The following KCNMA1 variants were observed in gnomAD, a reference collection of about 807,000 sequenced individuals.
KCNMA1 encodes the protein potassium calcium-activated channel subfamily M alpha 1, also known as Calcium-activated potassium channel subunit alpha-1.
A neutral mutation model predicts 140.0 loss-of-function variants in KCNMA1; 29 were observed. The observed-to-expected ratio is 0.21, with a 90% confidence interval of 0.15 to 0.28. The LOEUF (loss-of-function observed/expected upper bound fraction) is 0.28. Ranked by LOEUF, KCNMA1 falls within the 10% of genes least tolerant of loss-of-function variation. The pLI, the probability that KCNMA1 is intolerant of heterozygous loss-of-function variation, is 1.00. For synonymous variants in KCNMA1, 612 were observed against 611.9 expected, an observed-to-expected ratio of 1.00 and a Z score of 0.00; for missense variants, 880 against 1,602.2, an observed-to-expected ratio of 0.55 and a Z score of 7.70.
chr10:77,624,771 G>A (rs144698898), intron 1 of KCNMA1, among the ~76,000 whole-genome samples: 74 of 151,946 alleles, frequency 4.9e-4, no homozygotes, highest in Admixed American at 5.2e-4. Flanking sequence ...AAAATCCGGC[G>A]CTCCCTTAAC....
chr10:77,439,026 A>G (rs2097324723), intron 1 of KCNMA1, among the ~76,000 whole-genome samples: 1 of 151,654 alleles, frequency 6.6e-6, no homozygotes, highest in Non-Finnish European at 1.5e-5. Flanking sequence ...AGCCCAGATC[A>G]TGCCACTGCA....
chr10:77,244,728 T>G (rs2058169204), intron 3 of KCNMA1, among the ~76,000 whole-genome samples: 1 of 152,194 alleles, frequency 6.6e-6, no homozygotes, highest in African/African-American at 2.4e-5. Context: ...GAAGGTCAGA[T>G]GAGCTAGGAA....
intron 1 of KCNMA1, chr10:77,637,058 G>C: frequency 2.2e-6 from 3 of 1,383,804 alleles, no homozygotes; most frequent in Middle Eastern, 2.6e-4. Flanking sequence ...GAGCGCACTG[G>C]CTGGGGGCAA....
At chr10:77,560,140 G>A (rs553796403) in intron 1 of KCNMA1, among the ~76,000 whole-genome samples, 39 of 152,198 alleles carry the variant, frequency 2.6e-4, no homozygotes, top group African/African-American at 8.2e-4. Flanking sequence ...CCAAGATCGC[G>A]CTACTGCACT....
Position 77,295,679 on chromosome 10 carries a change from GCTGAGGCAGGAGAATGGCGTGAACC to G in KCNMA1, c.541-44448_541-44424del, listed in dbSNP as rs1280940453. 2.7e-5 allele frequency among the ~76,000 whole-genome samples: 4 copies of G among 149,418 alleles called. No individual in the cohort carries two copies. In the South Asian group the frequency reaches 8.5e-4, roughly 32 times the overall value. On this transcript the variant is annotated intron_variant, in intron 2 of 27. Transcript: ENST00000286628. Reference sequence around the variant, plus strand: ...GCCTGTAGTCCCAGCTACTCGGGAGGCTGAGGCAGGAGAATGGCGTGAACCCGGGAGGCGGAGCTTGCAGTGAGCC... The same window carrying G: ...GCCTGTAGTCCCAGCTACTCGGGAGGCGGGAGGCGGAGCTTGCAGTGAGCC...
chr10:77,626,023 A>AT (rs5786299), intron 1 of KCNMA1, among the ~76,000 whole-genome samples: 2,233 of 147,522 alleles, frequency 0.015, 41 homozygotes, highest in African/African-American at 0.047. Context: ...GTGATTTTCT[A>AT]TTTTTTTTTT....
chr10:77,368,020 C>T (rs532561747), intron 2 of KCNMA1, among the ~76,000 whole-genome samples: 1 of 152,258 alleles, frequency 6.6e-6, no homozygotes, highest in East Asian at 1.9e-4. Flanking sequence ...AATGTTTTTT[C>T]TGTAAACTTA....
At chr10:77,041,813 C>G (rs528337230) in intron 14 of KCNMA1, among the ~76,000 whole-genome samples, 2 of 152,140 alleles carry the variant, frequency 1.3e-5, no homozygotes, top group South Asian at 4.1e-4. Context: ...CTCTTTAGAA[C>G]GGCTTGTGCT....
chr10:77,527,422 T>C (rs1466355362), intron 1 of KCNMA1, among the ~76,000 whole-genome samples: 2 of 152,202 alleles, frequency 1.3e-5, no homozygotes, highest in Non-Finnish European at 2.9e-5. Context: ...GGCAGAGGAA[T>C]TGCGCTGTCC....
In KCNMA1 at chr10:77,108,644, G is replaced by A; in HGVS notation, c.1132-72C>T. On this transcript the variant is annotated intron_variant, in intron 8 of 27. Transcript: ENST00000286628. This position sits in a 1 kb window ranked among gnomAD's most constrained non-coding sequence, Gnocchi z 4.6. ...AAAAGGGGGGACCTGTTCAGAGGGT[G>A]GGGGCACTAAGATCTGAAAACACAA... The A allele has an allele frequency of 9.0e-7, 1 of 1,105,094 alleles. No individual in the cohort carries two copies. The highest frequency in any genetic ancestry group is 1.4e-6 in the Non-Finnish European group (1 of 724,296). 68.5% of individuals were successfully genotyped at this position (1,105,094 alleles called of 1,614,324 possible). A position where few individuals can be genotyped will look rare whatever the true frequency, so the allele number is the denominator to read the frequency against.
At chr10:77,633,271 T>C (rs969842630) in intron 1 of KCNMA1, among the ~76,000 whole-genome samples, 2 of 151,814 alleles carry the variant, frequency 1.3e-5, no homozygotes, top group Non-Finnish European at 2.9e-5. Flanking sequence ...GCCAAGATCG[T>C]GCCGCTGCAC....
At chr10:77,084,771 C>G in intron 11 of KCNMA1, 52 bp from the exon 12 acceptor site, 3 of 1,304,656 alleles carry the variant, frequency 2.3e-6, no homozygotes, top group Non-Finnish European at 3.3e-6. Flanking sequence ...AATAGCCATG[C>G]TCGAGTGTAG....
intron 1 of KCNMA1, among the ~76,000 whole-genome samples, chr10:77,555,523 C>T (rs2064084209): frequency 6.6e-6 from 1 of 152,176 alleles, no homozygotes; most frequent in Non-Finnish European, 1.5e-5. Flanking sequence ...GCTTGTCTTT[C>T]TGAACAGAAC....
At chr10:77,182,800 A>G (rs2098813460) in intron 5 of KCNMA1, among the ~76,000 whole-genome samples, 1 of 152,088 alleles carries the variant, frequency 6.6e-6, no homozygotes, top group African/African-American at 2.4e-5. Flanking sequence ...GGCTTCCATG[A>G]CTATCCTCTG....
chr10:77,634,557 G>A (rs1388687472), intron 1 of KCNMA1: 1 of 438,492 alleles, frequency 2.3e-6, no homozygotes, highest in African/African-American at 8.3e-5. Flanking sequence ...TTTCAGACCT[G>A]CTTTCCTCTG....
chr10:76,919,573 C>A (rs1564906868), intron 23 of KCNMA1, among the ~76,000 whole-genome samples: 1 of 152,086 alleles, frequency 6.6e-6, no homozygotes, highest in Non-Finnish European at 1.5e-5. Flanking sequence ...AAATGCCCAG[C>A]ACATAGAAAA....
At chr10:77,138,894 C>T (rs1596896515) in intron 5 of KCNMA1, among the ~76,000 whole-genome samples, 2 of 152,174 alleles carry the variant, frequency 1.3e-5, no homozygotes, top group African/African-American at 2.4e-5. Flanking sequence ...CTTCTCTGAC[C>T]ACCCGATCTG....
At chr10:77,563,375 T>C (rs1012476437) in intron 1 of KCNMA1, among the ~76,000 whole-genome samples, 1 of 152,056 alleles carries the variant, frequency 6.6e-6, no homozygotes, top group Admixed American at 6.6e-5. Flanking sequence ...CTGAAGCTTT[T>C]CCTCCCTTCT....
At chr10:77,116,655 C>G (rs1278368759) in intron 6 of KCNMA1, among the ~76,000 whole-genome samples, 1 of 152,104 alleles carries the variant, frequency 6.6e-6, no homozygotes, top group Non-Finnish European at 1.5e-5. Flanking sequence ...ATGAGTGGAA[C>G]AAAGTGAAAT....
Sources: gnomAD v4.1 joint callset for allele counts (sites outside exome capture counted in the v4.1 genomes callset) on GRCh38, gnomAD v4.1.1 for gene constraint, Gnocchi (gnomAD v3.1) non-coding constraint, MANE v1.5 for transcripts, NCBI Gene and HGNC (gene_info 2026-07-23, HGNC 2026-07-21) for gene names.